INPP4B: variants seen among roughly 807,000 people sequenced by gnomAD.
INPP4B encodes the protein inositol polyphosphate-4-phosphatase type II B.
A neutral mutation model predicts 122.5 loss-of-function variants in INPP4B; 55 were observed. That is an observed-to-expected ratio of 0.45 (90% CI 0.36 to 0.56). INPP4B has a LOEUF of 0.56. Among genes scored for constraint, INPP4B ranks in the 20% least tolerant of loss-of-function variants. The pLI, the probability that INPP4B is intolerant of heterozygous loss-of-function variation, is 0.00. For missense variants in INPP4B, 1,000 were observed against 1,097.7 expected, an observed-to-expected ratio of 0.91 and a Z score of 1.26; for synonymous variants, 403 against 388.7, an observed-to-expected ratio of 1.04 and a Z score of -0.43.
chr4:142,246,080 T>TA (rs1415468915), intron 11 of INPP4B, among the ~76,000 whole-genome samples: 1 of 128,366 alleles, frequency 7.8e-6, no homozygotes, highest in Admixed American at 7.1e-5. Flanking sequence ...TATACACACA[T>TA]TATATATATG....
intron 1 of INPP4B, among the ~76,000 whole-genome samples, chr4:142,807,532 G>T (rs928446996): frequency 1.3e-5 from 2 of 152,168 alleles, no homozygotes; most frequent in African/African-American, 4.8e-5. Flanking sequence ...GTGATGTGGA[G>T]CCAGAATATC....
intron 7 of INPP4B, among the ~76,000 whole-genome samples, chr4:142,316,826 T>C (rs1030031025): frequency 6.6e-6 from 1 of 152,172 alleles, no homozygotes; most frequent in Admixed American, 6.5e-5. Context: ...TTATGGTACA[T>C]AGGTTATAAC....
intron 1 of INPP4B, among the ~76,000 whole-genome samples, chr4:142,735,070 A>C (rs1445598895): frequency 6.6e-6 from 1 of 152,168 alleles, no homozygotes; most frequent in East Asian, 1.9e-4. Flanking sequence ...TCAGGGCTGC[A>C]CCTGAAGACA....
chr4:142,390,400 C>A (rs538245849), intron 7 of INPP4B, among the ~76,000 whole-genome samples: 1 of 152,124 alleles, frequency 6.6e-6, no homozygotes, highest in Non-Finnish European at 1.5e-5. Flanking sequence ...TTTGAGTCAT[C>A]ATTTTGGCTA....
At chr4:142,042,539 TATGTATGTATGTATGTATG>T in intron 25 of INPP4B, among the ~76,000 whole-genome samples, 1 of 92,336 alleles carries the variant, frequency 1.1e-5, no homozygotes, top group African/African-American at 3.3e-5. Flanking sequence ...TGTATGTATG[TATGTATGTATGTATGTATG>T]TATTTATTTA....
rs1393951881 is a variant in INPP4B, at chr4:142,027,703, T to C, written c.*1079A>G. The C allele has an allele frequency of 6.6e-6, 1 of 152,452 alleles. No individual in the cohort carries two copies. The highest frequency in any genetic ancestry group is 2.4e-5 in the African/African-American group (1 of 41,462). The allele number at this position is 152,452 out of a possible 1,614,324, so 9.4% of individuals were successfully genotyped here. The stretch of plus-strand genomic sequence containing the variant: ...TACCCATGTTTGAATACTGGTATTA[T>C]ACAAGATGATTTTTTTAAGGAAACT... On this transcript the variant is annotated 3_prime_UTR_variant, in exon 26 of 26. Coordinates refer to ENST00000262992, the MANE Select transcript of INPP4B (RefSeq NM_001101669.3).
chr4:142,643,594 T>C (rs752356389), intron 2 of INPP4B, among the ~76,000 whole-genome samples: 9 of 152,170 alleles, frequency 5.9e-5, no homozygotes, highest in Non-Finnish European at 1.2e-4. Context: ...TTTTGCTATA[T>C]TTCAACTTTT....
intron 2 of INPP4B, among the ~76,000 whole-genome samples, chr4:142,633,318 C>G (rs1450887368): frequency 6.6e-6 from 1 of 151,990 alleles, no homozygotes; most frequent in Non-Finnish European, 1.5e-5. Context: ...AGCCTTCTAA[C>G]TATAAAAAAC....
chr4:142,686,727 G>A (rs1325133575), intron 2 of INPP4B, among the ~76,000 whole-genome samples: 1 of 151,992 alleles, frequency 6.6e-6, no homozygotes, highest in Non-Finnish European at 1.5e-5. Context: ...AGTTTTATCA[G>A]TTATAATATT....
intron 2 of INPP4B, among the ~76,000 whole-genome samples, chr4:142,573,753 G>A (rs939746083): frequency 5.3e-5 from 8 of 152,016 alleles, no homozygotes; most frequent in South Asian, 2.1e-4. Flanking sequence ...GCACAGTCAC[G>A]AAAAACACCA....
chr4:142,182,352 A>T (rs1048701875), intron 15 of INPP4B, among the ~76,000 whole-genome samples: 2 of 151,864 alleles, frequency 1.3e-5, no homozygotes, highest in South Asian at 2.1e-4. Context: ...ATTGAGACCA[A>T]CCTGGCTAAC....
At chr4:142,443,806 AG>A (rs1306580932) in intron 3 of INPP4B, among the ~76,000 whole-genome samples, 1 of 152,132 alleles carries the variant, frequency 6.6e-6, no homozygotes, top group African/African-American at 2.4e-5. Context: ...TTAATATTAA[AG>A]TAGAATAAAG....
intron 2 of INPP4B, among the ~76,000 whole-genome samples, chr4:142,493,969 G>A (rs903708347): frequency 1.3e-5 from 2 of 152,132 alleles, no homozygotes; most frequent in Non-Finnish European, 2.9e-5. Flanking sequence ...AGAGATAATC[G>A]AATCATAGGG....
At chr4:142,569,293 A>ATTTT (rs141880193) in intron 2 of INPP4B, among the ~76,000 whole-genome samples, 50 of 144,064 alleles carry the variant, frequency 3.5e-4, no homozygotes, top group South Asian at 8.9e-4. Context: ...ATAAACATGG[A>ATTTT]TTTTTTTTTT....
At chr4:142,606,109 C>G (rs954226071) in intron 2 of INPP4B, among the ~76,000 whole-genome samples, 1 of 151,830 alleles carries the variant, frequency 6.6e-6, no homozygotes, top group Non-Finnish European at 1.5e-5. Context: ...ATGGATGGAA[C>G]TGGAAGTCAT....
At chr4:142,268,348 G>GAAAAAAAAAAA (rs1383781390) in intron 10 of INPP4B, among the ~76,000 whole-genome samples, 2 of 26,800 alleles carry the variant, frequency 7.5e-5, no homozygotes, top group Non-Finnish European at 1.2e-4. Flanking sequence ...AAAAAAAAAT[G>GAAAAAAAAAAA]AGGGGTAAGT....
intron 18 of INPP4B, among the ~76,000 whole-genome samples, chr4:142,127,992 A>T (rs1799389019): frequency 6.6e-6 from 1 of 152,108 alleles, no homozygotes; most frequent in South Asian, 2.1e-4. Context: ...ATCCCAAATC[A>T]TTCTCACAAA....
At chr4:142,576,899 A>C (rs1733972616) in intron 2 of INPP4B, among the ~76,000 whole-genome samples, 1 of 152,048 alleles carries the variant, frequency 6.6e-6, no homozygotes, top group South Asian at 2.1e-4. Context: ...AAAAGCTATA[A>C]AGAAACTAGT....
chr4:142,576,958 T>C (rs1190097105), intron 2 of INPP4B, among the ~76,000 whole-genome samples: 2 of 152,060 alleles, frequency 1.3e-5, no homozygotes, highest in Admixed American at 1.3e-4. Flanking sequence ...CATAGGCATG[T>C]AAACATAAAT....
Sources: allele counts gnomAD v4.1 joint callset (sites outside exome capture counted in the v4.1 genomes callset), GRCh38; gene constraint gnomAD v4.1.1; transcripts MANE v1.5; gene names NCBI Gene and HGNC (gene_info 2026-07-23, HGNC 2026-07-21).